ASMTL: variants seen among roughly 807,000 people sequenced by gnomAD.
ASMTL encodes the protein acetylserotonin O-methyltransferase like.
A neutral mutation model predicts 60.3 loss-of-function variants in ASMTL; 57 were observed. The observed-to-expected ratio is 0.95, with a 90% CI of 0.76 to 1.18. The LOEUF is 1.18. Ranked by LOEUF, ASMTL falls within the 50% of genes most tolerant of loss-of-function variation. The pLI, the probability that ASMTL is intolerant of heterozygous loss-of-function variation, is 0.00. For missense variants in ASMTL, 981 were observed against 852.6 expected (o/e 1.15, Z -1.88); for synonymous variants, 419 against 373.0 (o/e 1.12, Z -1.42).
chrX:1,432,632 A>C (rs1302968481), intron 5 of ASMTL, among the ~76,000 whole-genome samples: 3 of 152,092 alleles, frequency 2.0e-5, no homozygotes, highest in East Asian at 3.9e-4. Flanking sequence ...GTTCGAGACC[A>C]TCCTGGCTAA....
intron 8 of ASMTL, among the ~76,000 whole-genome samples, chrX:1,423,601 CA>C (rs1371787122): frequency 7.1e-6 from 1 of 140,004 alleles, no homozygotes; most frequent in East Asian, 1.9e-4. Context: ...TCTAGTCATC[CA>C]CCCACCCATC....
At chrX:1,446,177 CCTT>C (rs1177736490) in intron 1 of ASMTL, among the ~76,000 whole-genome samples, 1 of 152,140 alleles carries the variant, frequency 6.6e-6, no homozygotes, top group East Asian at 1.9e-4. Context: ...CTGTTTCTCT[CCTT>C]CTCCTCTCTC....
intron 5 of ASMTL, among the ~76,000 whole-genome samples, chrX:1,433,482 G>A (rs1244865342): frequency 2.8e-5 from 4 of 144,032 alleles, no homozygotes; most frequent in East Asian, 2.1e-4. Flanking sequence ...TGGCTACCAC[G>A]GTGAAACCCC....
In ASMTL at chrX:1,427,952, C is replaced by G. The variant is rs201956958; in HGVS notation, c.679G>C (p.Asp227His). The G allele has an allele frequency of 1.2e-6, 2 of 1,613,358 alleles. No individual in the cohort carries two copies. The highest frequency in any genetic ancestry group is 1.7e-5 in the Admixed American group (1 of 60,004). Reference protein sequence around the residue: ...PEDLRRSVKHDSIPAADTFED... With the variant: ...PEDLRRSVKHHSIPAADTFED... ...AAGGTGTCCGCGGCCGGGATGGAGT[C>G]GTGCTTGACACTCCGCCGCAGGTCC... Residue 227 changes from aspartate (D) to histidine (H), a missense_variant, in exon 7 of 13, where the codon GAC (aspartate) becomes CAC (histidine). Asp to His is a moderately conservative substitution (Grantham distance 81, BLOSUM62 -1). Coordinates refer to ENST00000381317, the MANE Select transcript of ASMTL (RefSeq NM_004192.4).
upstream of ASMTL, chrX:1,452,957 C>G: frequency 1.3e-6 from 1 of 764,194 alleles, no homozygotes; most frequent in Non-Finnish European, 2.0e-6. Flanking sequence ...GCCACGCCCC[C>G]GCCCGCCTCC....
chrX:1,437,184 TC>T (rs2090988168), intron 3 of ASMTL, among the ~76,000 whole-genome samples: 1 of 152,060 alleles, frequency 6.6e-6, no homozygotes, highest in Non-Finnish European at 1.5e-5. Context: ...AGGTCTGAGA[TC>T]CAGGTGTGGG....
chrX:1,418,216 G>A lies in ASMTL; in HGVS notation c.1379-100C>T, dbSNP rs113373944. ...GGCAGAAGTAATGTTCAAGGGCATG[G>A]CATTGATTCCCATGCTGGAAGGGAA... On this transcript the variant is annotated intron_variant, in intron 10 of 12. Transcript: ENST00000381317. 7,125 of 1,333,002 alleles carry A rather than the reference G, an allele frequency of 5.3e-3. 307 individuals carry two copies. In the African/African-American group the frequency reaches 0.09, roughly 17 times the overall value. 82.6% of individuals were successfully genotyped at this position (1,333,002 alleles called of 1,614,324 possible).
At chrX:1,453,455 C>G (rs1319322631), upstream of ASMTL, among the ~76,000 whole-genome samples, 3 of 152,012 alleles carry the variant, frequency 2.0e-5, no homozygotes, top group Non-Finnish European at 4.4e-5. Context: ...CCCCACCCCG[C>G]CTGCGGCGCC....
chrX:1,450,447 G>C (rs774123092), intron 1 of ASMTL, among the ~76,000 whole-genome samples: 1 of 150,614 alleles, frequency 6.6e-6, no homozygotes, highest in East Asian at 2.0e-4. Context: ...GGGGGTCCCG[G>C]GTTACTCTCC....
At chrX:1,446,660 C>T (rs770061511) in intron 1 of ASMTL, among the ~76,000 whole-genome samples, 16 of 152,044 alleles carry the variant, frequency 1.1e-4, no homozygotes, top group South Asian at 1.0e-3. Flanking sequence ...CCACCACGCC[C>T]GGCTAATTTT....
chrX:1,446,939 T>G (rs1340637355), intron 1 of ASMTL, among the ~76,000 whole-genome samples: 2 of 152,248 alleles, frequency 1.3e-5, no homozygotes, highest in African/African-American at 4.8e-5. Context: ...TGAATTAAAT[T>G]CTAATTTTTC....
chrX:1,403,634 G>A, intron 12 of ASMTL, 145 bp from the exon 13 acceptor site: 1 of 677,580 alleles, frequency 1.5e-6, no homozygotes, highest in Non-Finnish European at 2.6e-6. Context: ...CACACAGGTA[G>A]GGGAGGGGAG....
At chrX:1,441,015 A>G in intron 2 of ASMTL, among the ~76,000 whole-genome samples, 1 of 152,246 alleles carries the variant, frequency 6.6e-6, no homozygotes, top group Non-Finnish European at 1.5e-5. Context: ...CTTAAATGAT[A>G]GTAGTATATT....
intron 12 of ASMTL, among the ~76,000 whole-genome samples, chrX:1,407,091 A>G (rs1347999689): frequency 1.4e-5 from 2 of 143,394 alleles, no homozygotes; most frequent in Non-Finnish European, 3.0e-5. Flanking sequence ...GGATGGGTGA[A>G]CTGATGGTAG....
chrX:1,434,179 TGGGCC>T (rs1345805221), intron 5 of ASMTL, among the ~76,000 whole-genome samples: 1 of 152,136 alleles, frequency 6.6e-6, no homozygotes, highest in Non-Finnish European at 1.5e-5. Context: ...TACAACTGCC[TGGGCC>T]GGGCACCGTG....
Position 1,427,776 on chromosome X carries a change from C to T in ASMTL, c.855G>A (p.Pro285=), listed in dbSNP as rs756611447. Residue 285 remains proline, a synonymous_variant, in exon 7 of 13, where the codon CCG becomes CCA. Coordinates refer to ENST00000381317, the MANE Select transcript of ASMTL (RefSeq NM_004192.4). ...HRTRETLPPF[P]TRLLELIEGF... The stretch of plus-strand genomic sequence containing the variant: ...CCTCAATCAGCTCCAGGAGGCGTGT[C>T]GGGAACGGAGGCAGGGTCTCCCGAG... The T allele has an allele frequency of 3.4e-5, 55 of 1,612,788 alleles. No homozygotes were observed. Among genetic ancestry groups the T allele is most frequent in the Admixed American group, 1.0e-4 (6 of 59,976 alleles).
chrX:1,428,205 G>T, intron 6 of ASMTL, 84 bp from the exon 7 acceptor site: 1 of 1,491,132 alleles, frequency 6.7e-7, no homozygotes, highest in Non-Finnish European at 9.0e-7. Context: ...AGGCGGAGGT[G>T]GGTGGATCAC....
chrX:1,449,865 C>A (rs1290959237), intron 1 of ASMTL, among the ~76,000 whole-genome samples: 1 of 80,954 alleles, frequency 1.2e-5, no homozygotes, highest in Non-Finnish European at 3.4e-5. Flanking sequence ...CCAGTAACTA[C>A]CCCCATCACC....
chrX:1,404,603 A>ATGGG (rs1346579323), intron 12 of ASMTL, among the ~76,000 whole-genome samples: 1 of 150,522 alleles, frequency 6.6e-6, no homozygotes, highest in East Asian at 2.0e-4. Context: ...ATGATAGATG[A>ATGGG]TGGGTAGGTA....
Sources: allele counts gnomAD v4.1 joint callset (sites outside exome capture counted in the v4.1 genomes callset), GRCh38; gene constraint gnomAD v4.1.1; transcripts MANE v1.5; gene names NCBI Gene and HGNC (gene_info 2026-07-23, HGNC 2026-07-21).